The following PCDHA6 variants were observed in gnomAD, a reference collection of about 807,000 sequenced individuals.
PCDHA6 encodes protocadherin alpha 6.
In PCDHA6, 55 loss-of-function variants were observed where a neutral mutation model predicts 60.3. The observed-to-expected ratio is 0.91, with a 90% CI of 0.73 to 1.14. PCDHA6 has a LOEUF of 1.14. Among genes scored for constraint, PCDHA6 ranks in the 50% most tolerant of loss-of-function variants. The probability of loss-of-function intolerance (pLI) is 0.00; values close to 1 mark genes in which losing one functional copy is unlikely to be tolerated. For missense variants in PCDHA6, 1,327 were observed against 1,256.5 expected, an observed-to-expected ratio of 1.06 and a Z score of -0.85; for synonymous variants, 652 against 557.9, an observed-to-expected ratio of 1.17 and a Z score of -2.38.
intron 1 of PCDHA6, among the ~76,000 whole-genome samples, chr5:140,941,227 CTT>C (rs797022976): frequency 1.5e-5 from 2 of 136,000 alleles, no homozygotes; most frequent in Admixed American, 7.7e-5. Context: ...TTCTTTCTTT[CTT>C]TCTTTCTTTC....
At chr5:140,876,343 T>A (rs1196276310) in intron 1 of PCDHA6, 2 of 1,613,854 alleles carry the variant, frequency 1.2e-6, no homozygotes, top group African/African-American at 2.7e-5. Flanking sequence ...GAGTGAGAAA[T>A]GTATGTTTTC....
intron 1 of PCDHA6, chr5:140,856,875 T>A: frequency 1.9e-6 from 3 of 1,595,778 alleles, no homozygotes; most frequent in Non-Finnish European, 2.6e-6. Context: ...AACAAGGAAA[T>A]GATGTATTCA....
intron 1 of PCDHA6, among the ~76,000 whole-genome samples, chr5:140,845,869 C>A (rs1190017155): frequency 6.7e-6 from 1 of 149,586 alleles, no homozygotes; most frequent in Non-Finnish European, 1.5e-5. Flanking sequence ...TGCAGAAAGG[C>A]AACCTAAAAT....
chr5:140,952,327 A>G (rs1407008388), intron 1 of PCDHA6, among the ~76,000 whole-genome samples: 2 of 134,678 alleles, frequency 1.5e-5, no homozygotes, highest in Non-Finnish European at 1.6e-5. Flanking sequence ...AACAAGAGTG[A>G]AACTCCATCT....
rs189949937 is a variant in PCDHA6 at position 140,920,653 on chromosome 5, T to C, written c.2395-58296T>C. On this transcript the variant is annotated intron_variant, in intron 1 of 3. Coordinates refer to ENST00000529310, the MANE Select transcript of PCDHA6 (RefSeq NM_018909.4). ...AAGGTCAAGAGATTGAGACCATCCT[T>C]GCCAACATGGTGAAACCCCATCTCT... is the stretch of plus-strand genomic sequence containing the variant. Among the ~76,000 whole-genome samples, 1,219 of 152,042 alleles carry C rather than the reference T, an allele frequency of 8.0e-3. 5 individuals carry two copies. Among genetic ancestry groups the C allele is most frequent in the African/African-American group, 0.019 (786 of 41,502 alleles).
chr5:140,848,720 G>A, intron 1 of PCDHA6: 1 of 1,592,556 alleles, frequency 6.3e-7, no homozygotes, highest in Non-Finnish European at 8.6e-7. Flanking sequence ...GGGACCTTCT[G>A]GAGGTAAATC....
chr5:140,887,239 G>A (rs1248062448), intron 1 of PCDHA6, among the ~76,000 whole-genome samples: 2 of 151,736 alleles, frequency 1.3e-5, no homozygotes, highest in Admixed American at 6.6e-5. Context: ...TGAGACTACC[G>A]GCGCCCGCCA....
chr5:140,838,387 G>A (rs1554137061), intron 1 of PCDHA6, among the ~76,000 whole-genome samples: 1 of 150,594 alleles, frequency 6.6e-6, no homozygotes, highest in African/African-American at 2.5e-5. Context: ...GCCTCCCAAT[G>A]TGCTGGGATT....
At chr5:140,895,653 A>G (rs1247218282) in intron 1 of PCDHA6, among the ~76,000 whole-genome samples, 1 of 152,150 alleles carries the variant, frequency 6.6e-6, no homozygotes, top group Non-Finnish European at 1.5e-5. Flanking sequence ...GCTCCCACTT[A>G]TAAGTGAGAA....
chr5:140,883,377 C>T lies in PCDHA6; in HGVS notation c.2394+52892C>T, dbSNP rs1436655611. On this transcript the variant is annotated intron_variant, in intron 1 of 3. Coordinates refer to ENST00000529310, the MANE Select transcript of PCDHA6 (RefSeq NM_018909.4). ...GACACTCAGCCTAGCGCCATTATTG[C>T]CCTAATCAGTGTGTCCGATCGTGAC... The T allele has an allele frequency of 1.5e-5, 25 of 1,614,054 alleles. No individual in the cohort carries two copies. Among genetic ancestry groups the T allele is most frequent in the Non-Finnish European group, 2.0e-5 (24 of 1,180,036 alleles).
chr5:140,921,289 A>G (rs2080153256), intron 1 of PCDHA6, among the ~76,000 whole-genome samples: 1 of 152,172 alleles, frequency 6.6e-6, no homozygotes, highest in African/African-American at 2.4e-5. Flanking sequence ...AAAACCTCAA[A>G]TTTGCTGAAT....
intron 3 of PCDHA6, among the ~76,000 whole-genome samples, chr5:140,995,545 T>C (rs998594175): frequency 1.3e-5 from 2 of 152,206 alleles, no homozygotes; most frequent in Non-Finnish European, 2.9e-5. Flanking sequence ...TAAGGGGCGA[T>C]CACTGTACTG....
At chr5:140,870,417 C>T (rs2051990915) in intron 1 of PCDHA6, 1 of 1,614,092 alleles carries the variant, frequency 6.2e-7, no homozygotes, top group Admixed American at 1.7e-5. Flanking sequence ...GGGCCACGGC[C>T]AGGGTATCCG....
At chr5:140,965,670 G>A (rs2095922284) in intron 1 of PCDHA6, among the ~76,000 whole-genome samples, 1 of 152,144 alleles carries the variant, frequency 6.6e-6, no homozygotes, top group Non-Finnish European at 1.5e-5. Flanking sequence ...GGTGATAAAT[G>A]TAAAAGATTT....
chr5:140,927,587 T>A, intron 1 of PCDHA6: 18 of 1,614,162 alleles, frequency 1.1e-5, no homozygotes, highest in Non-Finnish European at 1.5e-5. Context: ...AACGCGCCTG[T>A]ATTTGAGCGC....
intron 1 of PCDHA6, among the ~76,000 whole-genome samples, chr5:140,846,468 G>A (rs1461783374): frequency 7.0e-6 from 1 of 142,284 alleles, no homozygotes; most frequent in East Asian, 2.1e-4. Flanking sequence ...TCTGCCTCCC[G>A]GGTTCAAATG....
chr5:140,848,498 G>A, intron 1 of PCDHA6: 1 of 1,584,262 alleles, frequency 6.3e-7, no homozygotes. Context: ...TATTTGAAAT[G>A]TTATACTCAA....
At position 140,834,723 on chromosome 5, in the gene PCDHA6, C is replaced by A. The variant is rs1187806383; in HGVS notation, c.2394+4238C>A. The A allele has an allele frequency of 3.1e-6, 5 of 1,614,158 alleles. No homozygotes were observed. The African/African-American group carries it at 6.7e-5, about 22-fold the overall frequency. On this transcript the variant is annotated intron_variant, in intron 1 of 3. Transcript: ENST00000529310. Reference sequence around the variant, plus strand: ...CCTGGAGGTGATCGTGGAAAGGCCGCTGCAGGTTTTCCATGTGGACGTGGA... The same window carrying A: ...CCTGGAGGTGATCGTGGAAAGGCCGATGCAGGTTTTCCATGTGGACGTGGA...
At chr5:140,882,675 G>A in intron 1 of PCDHA6, 1 of 1,614,218 alleles carries the variant, frequency 6.2e-7, no homozygotes, top group Non-Finnish European at 8.5e-7. Context: ...TTCCCTGAAA[G>A]CAAGAAACGA....
Sources: gnomAD v4.1 joint callset for allele counts (sites outside exome capture counted in the v4.1 genomes callset) on GRCh38, gnomAD v4.1.1 for gene constraint, MANE v1.5 for transcripts, NCBI Gene and HGNC (gene_info 2026-07-23, HGNC 2026-07-21) for gene names.